The following DDX39A variants were observed in gnomAD, a reference collection of about 807,000 sequenced individuals.
DDX39A encodes the protein DExD-box helicase 39A, also known as ATP-dependent RNA helicase DDX39A.
Under a neutral mutation model 46.3 loss-of-function variants are expected in DDX39A, and 13 were observed. The ratio of observed to expected loss-of-function variants is 0.28; its 90% CI spans 0.18 to 0.45. The LOEUF is 0.45. Ranked by LOEUF, DDX39A falls within the 20% of genes least tolerant of loss-of-function variation. The pLI, the probability that DDX39A is intolerant of heterozygous loss-of-function variation, is 1.00. For missense variants in DDX39A, 352 were observed against 581.8 expected (o/e 0.61, Z 4.06); for synonymous variants, 234 against 224.6 (o/e 1.04, Z -0.38).
chr19:14,418,932 CT>C (rs1279418297), intron 1 of DDX39A: 1 of 456,290 alleles, frequency 2.2e-6, no homozygotes, highest in Non-Finnish European at 4.4e-6. Context: ...GCGTCACCCC[CT>C]CGTCCCTCTC....
intron 1 of DDX39A, among the ~76,000 whole-genome samples, chr19:14,415,521 T>C (rs929384635): frequency 1.3e-5 from 2 of 151,948 alleles, no homozygotes; most frequent in Non-Finnish European, 2.9e-5. Context: ...GATCTCCAAC[T>C]TGTGGGCTCA....
rs1201791392 is a variant in DDX39A at position 14,412,278 on chromosome 19, C to T, written c.336+273G>A. 1.5e-5 allele frequency: 6 copies of T among 393,632 alleles called. No individual in the cohort carries two copies. Among genetic ancestry groups the T allele is most frequent in the Non-Finnish European group, 2.8e-5 (6 of 215,784 alleles). 24.4% of individuals were successfully genotyped at this position (393,632 alleles called of 1,614,324 possible). ...CGATGCCTCTGGGGCAAGGGGCAAA[C>T]TGTGGGCACTTTCCAGTTATTTTGG... On this transcript the variant is annotated intron_variant, in intron 3 of 10. Coordinates refer to ENST00000242776, the MANE Select transcript of DDX39A (RefSeq NM_005804.4). The surrounding 1 kb of genome is among the most constrained non-coding windows in gnomAD (Gnocchi z 4.4).
intron 1 of DDX39A, chr19:14,416,044 C>T (rs564436113): frequency 1.3e-3 from 192 of 152,002 alleles, no homozygotes; most frequent in South Asian, 3.0e-3. Context: ...CCAGCCTGGG[C>T]GACAGAGCAA....
Position 14,410,590 on chromosome 19 carries a change from C to A in DDX39A, c.614-256G>T, listed in dbSNP as rs1976543530. 5.6e-6 allele frequency: 3 copies of A among 537,316 alleles called. No individual in the cohort carries two copies. The South Asian group carries it at 6.1e-5, about 11-fold the overall frequency. 33.3% of individuals were successfully genotyped at this position (537,316 alleles called of 1,614,324 possible). A position where few individuals can be genotyped will look rare whatever the true frequency, so the allele number is the denominator to read the frequency against. On this transcript the variant is annotated intron_variant, in intron 5 of 10. Coordinates refer to ENST00000242776, the MANE Select transcript of DDX39A (RefSeq NM_005804.4). The surrounding 1 kb of genome is among the most constrained non-coding windows in gnomAD (Gnocchi z 4.3). ...CCGTGCCCGTGCGCCTCGAGCCACG[C>A]TTCAGGGAGGGGAGCCTGAGGCAGA...
Position 14,409,806 on chromosome 19 carries a change from T to C in DDX39A, c.800A>G (p.Lys267Arg), listed in dbSNP as rs779430327. Residue 267 changes from lysine to arginine, a missense_variant, in exon 7 of 11, where the codon AAA becomes AGA. By Grantham distance (26) the Lys-to-Arg change is conservative. This residue lies in a region of DDX39A where 301 missense variants were observed against 469.9 expected (regional missense o/e 0.64). Coordinates refer to ENST00000242776, the MANE Select transcript of DDX39A (RefSeq NM_005804.4). The surrounding 1 kb of genome is among the most constrained non-coding windows in gnomAD (Gnocchi z 8.3). ...GCGGTTCTTCTCACTGTCTTTGAGT[T>C]TGACGTAGTACTGCTGCAGGCCGTG... ...TLHGLQQYYVKLKDSEKNRKL... is the reference protein window; with the variant it reads ...TLHGLQQYYVRLKDSEKNRKL... The C allele has an allele frequency of 1.2e-6, 2 of 1,614,154 alleles. No individual in the cohort carries two copies. Among genetic ancestry groups the C allele is most frequent in the Non-Finnish European group, 1.7e-6 (2 of 1,180,028 alleles).
intron 1 of DDX39A, among the ~76,000 whole-genome samples, chr19:14,416,848 G>A (rs964265785): frequency 1.3e-5 from 2 of 152,112 alleles, no homozygotes; most frequent in Non-Finnish European, 1.5e-5. Flanking sequence ...ACCACGCCTG[G>A]CTAATTTTTG....
chr19:14,410,683 G>T lies in DDX39A; in HGVS notation c.613+306C>A. 1 of 516,156 alleles carries T rather than the reference G, an allele frequency of 1.9e-6. No individual in the cohort carries two copies. The highest frequency in any genetic ancestry group is 3.5e-6 in the Non-Finnish European group (1 of 283,376). The allele number at this position is 516,156 out of a possible 1,614,324, so 32.0% of individuals were successfully genotyped here. On this transcript the variant is annotated intron_variant, in intron 5 of 10. Coordinates refer to ENST00000242776, the MANE Select transcript of DDX39A (RefSeq NM_005804.4). The surrounding 1 kb of genome is among the most constrained non-coding windows in gnomAD (Gnocchi z 4.3). ...AAGCCCATCTCCCACCGGCCCTGTC[G>T]GGGCTCACTGAGGGCAGGCGGGGCC... is the stretch of plus-strand genomic sequence containing the variant.
At position 14,412,480 on chromosome 19, in the gene DDX39A, C is replaced by T; in HGVS notation, c.336+71G>A. The T allele has an allele frequency of 6.5e-7, 1 of 1,550,160 alleles. No individual in the cohort carries two copies. Among genetic ancestry groups the T allele is most frequent in the Non-Finnish European group, 8.7e-7 (1 of 1,152,748 alleles). On this transcript the variant is annotated intron_variant, in intron 3 of 10. Coordinates refer to ENST00000242776, the MANE Select transcript of DDX39A (RefSeq NM_005804.4). This position sits in a 1 kb window ranked among gnomAD's most constrained non-coding sequence, Gnocchi z 4.4. ...AAGCACTGGGCTAACAGGTGTGAGC[C>T]ACCCCATCCAGCCTACTCTACTTCC...
Position 14,411,200 on chromosome 19 carries a change from A to T in DDX39A, c.430-28T>A, listed in dbSNP as rs1396421878. 1 of 1,544,784 alleles carries T rather than the reference A, an allele frequency of 6.5e-7. No individual in the cohort carries two copies. Among genetic ancestry groups the T allele is most frequent in the Non-Finnish European group, 8.7e-7 (1 of 1,145,954 alleles). ...ATGGGGATGAGGAGGAAACCGCTCCATGCTGATACACGGCCCAAGGCCCCA... is the reference window on the plus strand; with the variant it reads ...ATGGGGATGAGGAGGAAACCGCTCCTTGCTGATACACGGCCCAAGGCCCCA... On this transcript the variant is annotated intron_variant, in intron 4 of 10. Coordinates refer to ENST00000242776, the MANE Select transcript of DDX39A (RefSeq NM_005804.4). This position sits in a 1 kb window ranked among gnomAD's most constrained non-coding sequence, Gnocchi z 4.1.
chr19:14,415,152 C>A (rs116074685), intron 1 of DDX39A, among the ~76,000 whole-genome samples: 2,386 of 152,212 alleles, frequency 0.016, 64 homozygotes, highest in African/African-American at 0.054. Context: ...CAGCCCCGGG[C>A]AACCACTAAT....
intron 1 of DDX39A, chr19:14,418,973 T>C: frequency 2.2e-6 from 1 of 456,172 alleles, no homozygotes; most frequent in Non-Finnish European, 4.4e-6. Context: ...GCGGGGTCTA[T>C]TCGGACGAAC....
intron 1 of DDX39A, among the ~76,000 whole-genome samples, chr19:14,417,156 G>A (rs1976841476): frequency 6.6e-6 from 1 of 152,144 alleles, no homozygotes. Flanking sequence ...AACCAGGGTA[G>A]GGGCGTGAGG....
chr19:14,410,107 C>CTCCCAGCA lies in DDX39A; in HGVS notation c.732+101_732+108dup, dbSNP rs369055670. ...AGGGGAGGAAAGGAGGCTCCGCCGG[C>CTCCCAGCA]TCCCAGCATCCCAGCATCCTCCGTG... On this transcript the variant is annotated intron_variant, in intron 6 of 10. Coordinates refer to ENST00000242776, the MANE Select transcript of DDX39A (RefSeq NM_005804.4). The surrounding 1 kb of genome is among the most constrained non-coding windows in gnomAD (Gnocchi z 4.3). The CTCCCAGCA allele has an allele frequency of 2.6e-6, 3 of 1,154,586 alleles. No homozygotes were observed. The highest frequency in any genetic ancestry group is 1.5e-5 in the African/African-American group (1 of 65,942). 71.5% of individuals were successfully genotyped at this position (1,154,586 alleles called of 1,614,324 possible). A position where few individuals can be genotyped will look rare whatever the true frequency, so the allele number is the denominator to read the frequency against.
chr19:14,415,277 CACA>C (rs1976764194), intron 1 of DDX39A, among the ~76,000 whole-genome samples: 1 of 152,054 alleles, frequency 6.6e-6, no homozygotes, highest in African/African-American at 2.4e-5. Context: ...TGTGCTCTAC[CACA>C]TCATCAGTAC....
chr19:14,413,557 T>C (rs908483741), intron 1 of DDX39A, among the ~76,000 whole-genome samples: 1 of 152,156 alleles, frequency 6.6e-6, no homozygotes, highest in African/African-American at 2.4e-5. Context: ...CCAGCCTTGT[T>C]CAGCTGCTCA....
At position 14,412,778 on chromosome 19, in the gene DDX39A, A is replaced by C; in HGVS notation, c.209-100T>G. Reference sequence around the variant, plus strand: ...GGCCCACAGTGAGGGCAATCAGAAGAGGCCGAGTCCGGACAAGGCCACAGA... The same window carrying C: ...GGCCCACAGTGAGGGCAATCAGAAGCGGCCGAGTCCGGACAAGGCCACAGA... On this transcript the variant is annotated intron_variant, in intron 2 of 10. Coordinates refer to ENST00000242776, the MANE Select transcript of DDX39A (RefSeq NM_005804.4). This position sits in a 1 kb window ranked among gnomAD's most constrained non-coding sequence, Gnocchi z 4.4. The C allele has an allele frequency of 6.7e-7, 1 of 1,490,252 alleles. No homozygotes were observed. The highest frequency in any genetic ancestry group is 2.3e-5 in the East Asian group (1 of 43,840). The allele number at this position is 1,490,252 out of a possible 1,614,324, so 92.3% of individuals were successfully genotyped here. A position where few individuals can be genotyped will look rare whatever the true frequency, so the allele number is the denominator to read the frequency against.
In DDX39A at chr19:14,418,987, C is replaced by G. The variant is rs550153386; in HGVS notation, c.-5+283G>C. 284 of 456,252 alleles carry G rather than the reference C, an allele frequency of 6.2e-4. 1 individual carries two copies. The highest frequency in any genetic ancestry group is 5.3e-3 in the African/African-American group (268 of 50,202). 28.3% of individuals were successfully genotyped at this position (456,252 alleles called of 1,614,324 possible). Reference sequence around the variant, plus strand: ...CGCGGGGTCTATTCGGACGAACTGACAGACTCCAAGTGGGGCTCGGAGCGC... The same window carrying G: ...CGCGGGGTCTATTCGGACGAACTGAGAGACTCCAAGTGGGGCTCGGAGCGC... On this transcript the variant is annotated intron_variant, in intron 1 of 10. Coordinates refer to ENST00000242776, the MANE Select transcript of DDX39A (RefSeq NM_005804.4).
At position 14,410,525 on chromosome 19, in the gene DDX39A, G is replaced by A. The variant is rs936712210; in HGVS notation, c.614-191C>T. ...GGGGGTGGCCAGCGAGCGCAGGCGCGGGAGGAGCTGCAATCCACTTACACG... is the reference window on the plus strand; with the variant it reads ...GGGGGTGGCCAGCGAGCGCAGGCGCAGGAGGAGCTGCAATCCACTTACACG... On this transcript the variant is annotated intron_variant, in intron 5 of 10. Transcript: ENST00000242776. The surrounding 1 kb of genome is among the most constrained non-coding windows in gnomAD (Gnocchi z 4.3). The A allele has an allele frequency of 8.6e-5, 52 of 604,896 alleles. No individual in the cohort carries two copies. Among genetic ancestry groups the A allele is most frequent in the African/African-American group, 1.7e-4 (9 of 54,212 alleles). 37.5% of individuals were successfully genotyped at this position (604,896 alleles called of 1,614,324 possible).
Position 14,410,381 on chromosome 19 carries a change from C to A in DDX39A, c.614-47G>T. On this transcript the variant is annotated intron_variant, in intron 5 of 10. Coordinates refer to ENST00000242776, the MANE Select transcript of DDX39A (RefSeq NM_005804.4). This position sits in a 1 kb window ranked among gnomAD's most constrained non-coding sequence, Gnocchi z 4.3. ...TGGGTGGGCATGAGCGTCTGCCATG[C>A]AGGACCCCCACCCCAGACCAGACCC... is the stretch of plus-strand genomic sequence containing the variant. 6.5e-7 allele frequency: 1 copy of A among 1,535,590 alleles called. No individual in the cohort carries two copies. The highest frequency in any genetic ancestry group is 2.3e-5 in the East Asian group (1 of 44,414).
Sources: gnomAD v4.1 joint callset for allele counts (sites outside exome capture counted in the v4.1 genomes callset) on GRCh38, gnomAD v4.1.1 for gene constraint, gnomAD v4.1.1 regional missense constraint, Gnocchi (gnomAD v3.1) non-coding constraint, MANE v1.5 for transcripts, NCBI Gene and HGNC (gene_info 2026-07-23, HGNC 2026-07-21) for gene names.